The following RPS6KA2 variants were observed in gnomAD, a reference collection of about 807,000 sequenced individuals.
The protein encoded by RPS6KA2 is ribosomal protein S6 kinase alpha-2.
In RPS6KA2, 42 loss-of-function variants were observed where a neutral mutation model predicts 91.8. That is an observed-to-expected ratio of 0.46 (90% CI 0.36 to 0.59). The LOEUF (loss-of-function observed/expected upper bound fraction) is 0.59. RPS6KA2 is among the 20% of genes least tolerant of loss of function. The pLI, the probability that RPS6KA2 is intolerant of heterozygous loss-of-function variation, is 0.00. For missense variants in RPS6KA2, 798 were observed against 978.5 expected (o/e 0.82, Z 2.46); for synonymous variants, 414 against 393.6 (o/e 1.05, Z -0.61).
chr6:166,558,467 C>A (rs1784242549), intron 1 of RPS6KA2, among the ~76,000 whole-genome samples: 1 of 152,132 alleles, frequency 6.6e-6, no homozygotes, highest in Non-Finnish European at 1.5e-5. Flanking sequence ...ACAGACATAC[C>A]CAGAATAAGG....
chr6:166,592,405 T>C (rs879793468), intron 1 of RPS6KA2, among the ~76,000 whole-genome samples: 7 of 152,182 alleles, frequency 4.6e-5, no homozygotes, highest in Admixed American at 1.3e-4. Context: ...ACCCAATCTA[T>C]GGGCTAGGCA....
At chr6:166,721,746 A>G (rs578063828) in intron 2 of RPS6KA2, among the ~76,000 whole-genome samples, 36 of 152,256 alleles carry the variant, frequency 2.4e-4, no homozygotes, top group Non-Finnish European at 4.4e-4. Flanking sequence ...GCAGAGCTGG[A>G]CTTTAACAGA....
rs1327119395 is a variant in RPS6KA2 at position 166,613,102 on chromosome 6, G to A, written c.99+13819C>T. Among the ~76,000 whole-genome samples, 3 of 152,214 alleles carry A rather than the reference G, an allele frequency of 2.0e-5. No individual in the cohort carries two copies. The East Asian group carries it at 5.8e-4, about 29-fold the overall frequency. On this transcript the variant is annotated intron_variant, in intron 1 of 20. Coordinates refer to ENST00000265678, the MANE Select transcript of RPS6KA2 (RefSeq NM_021135.6). ...AAAAGCACGTGTCTGAATTTTCTAA[G>A]TTAAGGGGGGAGGTTTGATTTAGTG...
intron 1 of RPS6KA2, among the ~76,000 whole-genome samples, chr6:166,596,580 C>T (rs923172111): frequency 1.3e-5 from 2 of 152,160 alleles, no homozygotes; most frequent in South Asian, 2.1e-4. Flanking sequence ...CAGGGGCTCT[C>T]GGGCCTTCGC....
At chr6:166,632,449 C>T (rs545670987) in intron 2 of RPS6KA2, among the ~76,000 whole-genome samples, 2 of 152,054 alleles carry the variant, frequency 1.3e-5, no homozygotes, top group Admixed American at 6.5e-5. Flanking sequence ...CCCTTCTCTA[C>T]TAAAAATACA....
At chr6:166,503,619 A>T (rs1330434043) in intron 6 of RPS6KA2, among the ~76,000 whole-genome samples, 3 of 152,176 alleles carry the variant, frequency 2.0e-5, no homozygotes, top group Admixed American at 2.0e-4. Flanking sequence ...GGTGGCATTA[A>T]TCGGCCCCTC....
Position 166,494,592 on chromosome 6 carries a change from G to A in RPS6KA2, c.748-3851C>T, listed in dbSNP as rs1781715647. 6.6e-6 allele frequency among the ~76,000 whole-genome samples: 1 copy of A among 152,252 alleles called. No individual in the cohort carries two copies. The highest frequency in any genetic ancestry group is 2.1e-4 in the South Asian group (1 of 4,838). ...ACTGGCTCCAGCCTGGCGTAGAGGA[G>A]TGCTGGAAATTCTACAAATGTCACC... On this transcript the variant is annotated intron_variant, in intron 8 of 20. Coordinates refer to ENST00000265678, the MANE Select transcript of RPS6KA2 (RefSeq NM_021135.6). This position sits in a 1 kb window ranked among gnomAD's most constrained non-coding sequence, Gnocchi z 5.1.
At chr6:166,669,005 C>G (rs1176120585) in intron 2 of RPS6KA2, among the ~76,000 whole-genome samples, 1 of 151,866 alleles carries the variant, frequency 6.6e-6, no homozygotes, top group Non-Finnish European at 1.5e-5. Context: ...ATCCTCCCAC[C>G]TCAGCCTCCC....
At chr6:166,426,527 A>G (rs1022939701) in intron 16 of RPS6KA2, among the ~76,000 whole-genome samples, 1 of 50,596 alleles carries the variant, frequency 2.0e-5, no homozygotes, top group Non-Finnish European at 3.8e-5. Flanking sequence ...GTTTTTTGAA[A>G]GGATCAACAA....
At chr6:166,468,626 G>A (rs1481487032) in intron 11 of RPS6KA2, among the ~76,000 whole-genome samples, 1 of 152,128 alleles carries the variant, frequency 6.6e-6, no homozygotes, top group African/African-American at 2.4e-5. Flanking sequence ...CACTTTGGGA[G>A]GCCAAGGTGG....
intron 2 of RPS6KA2, among the ~76,000 whole-genome samples, chr6:166,806,583 T>C (rs1779497924): frequency 6.6e-6 from 1 of 152,162 alleles, no homozygotes; most frequent in South Asian, 2.1e-4. Context: ...GATAAACAAA[T>C]GCAGGGGGAG....
chr6:166,839,110 G>C (rs1393460279), intron 2 of RPS6KA2, among the ~76,000 whole-genome samples: 1 of 152,216 alleles, frequency 6.6e-6, no homozygotes, highest in African/African-American at 2.4e-5. Flanking sequence ...CAACCAGTGT[G>C]TGTTGTTTTA....
intron 19 of RPS6KA2, among the ~76,000 whole-genome samples, chr6:166,414,783 G>A (rs1446051316): frequency 1.3e-5 from 2 of 152,218 alleles, no homozygotes; most frequent in Non-Finnish European, 1.5e-5. Context: ...ATTAGAATGC[G>A]GCTGGGCGCG....
At chr6:166,457,796 C>G (rs1035333164) in intron 12 of RPS6KA2, among the ~76,000 whole-genome samples, 10 of 152,226 alleles carry the variant, frequency 6.6e-5, no homozygotes, top group Non-Finnish European at 1.3e-4. Flanking sequence ...AGGGATTTCA[C>G]CAACAGCTGA....
At chr6:166,497,648 C>T (rs1034654018) in intron 8 of RPS6KA2, among the ~76,000 whole-genome samples, 11 of 152,166 alleles carry the variant, frequency 7.2e-5, no homozygotes, top group African/African-American at 2.2e-4. Flanking sequence ...GTTCTCCAGG[C>T]GACACCGCAG....
chr6:166,771,421 C>T (rs1039283166), intron 2 of RPS6KA2, among the ~76,000 whole-genome samples: 4 of 152,126 alleles, frequency 2.6e-5, no homozygotes, highest in African/African-American at 4.8e-5. Flanking sequence ...AACCCGGAAG[C>T]GCGTGTGTCT....
intron 1 of RPS6KA2, among the ~76,000 whole-genome samples, chr6:166,552,542 A>T (rs576959390): frequency 4.0e-5 from 6 of 151,880 alleles, no homozygotes; most frequent in South Asian, 2.1e-4. Flanking sequence ...TTTTTTTTTT[A>T]AATCTACCCT....
chr6:166,460,166 G>T (rs1780228361), intron 11 of RPS6KA2, among the ~76,000 whole-genome samples: 1 of 152,230 alleles, frequency 6.6e-6, no homozygotes, highest in African/African-American at 2.4e-5. Flanking sequence ...ACAGGAGGAC[G>T]CCTGCATCTG....
chr6:166,459,367 G>C lies in RPS6KA2; in HGVS notation c.1075+82C>G. On this transcript the variant is annotated intron_variant, in intron 12 of 20. Transcript: ENST00000265678. This position sits in a 1 kb window ranked among gnomAD's most constrained non-coding sequence, Gnocchi z 4.9. Reference sequence around the variant, plus strand: ...TCCATGAAAAGAATTCTGAGGCATGGGAATTTCTTGTTCCTAGATATCTGT... The same window carrying C: ...TCCATGAAAAGAATTCTGAGGCATGCGAATTTCTTGTTCCTAGATATCTGT... The C allele has an allele frequency of 3.7e-6, 3 of 803,780 alleles. No individual in the cohort carries two copies. The highest frequency in any genetic ancestry group is 4.1e-6 in the Non-Finnish European group (2 of 487,590). The allele number at this position is 803,780 out of a possible 1,614,324, so 49.8% of individuals were successfully genotyped here.
Sources: allele counts gnomAD v4.1 joint callset (sites outside exome capture counted in the v4.1 genomes callset), GRCh38; gene constraint gnomAD v4.1.1; non-coding constraint Gnocchi (gnomAD v3.1); transcripts MANE v1.5; gene names NCBI Gene and HGNC (gene_info 2026-07-23, HGNC 2026-07-21).